MTHFD1L: variants seen among roughly 807,000 people sequenced by gnomAD.
MTHFD1L encodes the protein methylenetetrahydrofolate dehydrogenase (NADP+ dependent) 1 like, also known as monofunctional C1-tetrahydrofolate synthase, mitochondrial.
MTHFD1L carries 81 observed loss-of-function variants against 119.5 expected under a neutral mutation model. That is an observed-to-expected ratio of 0.68 (90% confidence interval 0.57 to 0.82). The LOEUF (loss-of-function observed/expected upper bound fraction) is 0.82, where lower values mean the gene tolerates loss of function less well. Ranked by LOEUF, MTHFD1L falls within the 40% of genes least tolerant of loss-of-function variation. The probability of loss-of-function intolerance (pLI) is 0.00; values close to 1 mark genes in which losing one functional copy is unlikely to be tolerated. For synonymous variants in MTHFD1L, 430 were observed against 475.2 expected, an observed-to-expected ratio of 0.90 and a Z score of 1.24; for missense variants, 1,125 against 1,253.4, an observed-to-expected ratio of 0.90 and a Z score of 1.55.
intron 26 of MTHFD1L, among the ~76,000 whole-genome samples, chr6:151,038,413 G>A (rs187300036): frequency 8.7e-4 from 133 of 152,198 alleles, no homozygotes; most frequent in Non-Finnish European, 8.7e-4. Context: ...GTTGGATGAG[G>A]GGGGGTGGCT....
chr6:151,009,534 CA>C (rs5880912), intron 20 of MTHFD1L, among the ~76,000 whole-genome samples: 43,809 of 147,764 alleles, frequency 0.3, 7,156 homozygotes, highest in African/African-American at 0.43. Flanking sequence ...ACACCATCTC[CA>C]AAAAAAAAAG....
At chr6:151,044,508 G>C (rs1388101409) in intron 26 of MTHFD1L, among the ~76,000 whole-genome samples, 1 of 151,840 alleles carries the variant, frequency 6.6e-6, no homozygotes, top group Non-Finnish European at 1.5e-5. Context: ...TCACTATGTT[G>C]TTCAGGCTGG....
At chr6:150,933,185 G>T (rs1414010642) in intron 11 of MTHFD1L, among the ~76,000 whole-genome samples, 1 of 152,094 alleles carries the variant, frequency 6.6e-6, no homozygotes, top group Non-Finnish European at 1.5e-5. Context: ...TTTTGAGGAG[G>T]TCATCTCTGG....
At chr6:151,057,255 T>G (rs1790082980) in intron 26 of MTHFD1L, 23 of 985,064 alleles carry the variant, frequency 2.3e-5, no homozygotes, top group Non-Finnish European at 2.8e-5. Context: ...CTGCTCATGT[T>G]CTTCGCTGAA....
chr6:150,929,278 T>C (rs957640421), intron 11 of MTHFD1L, among the ~76,000 whole-genome samples: 18 of 152,208 alleles, frequency 1.2e-4, no homozygotes, highest in African/African-American at 4.1e-4. Context: ...ATTTGTGAAA[T>C]TGGTTCCTTT....
chr6:150,868,554 G>T (rs181663289), intron 1 of MTHFD1L, among the ~76,000 whole-genome samples: 1 of 151,988 alleles, frequency 6.6e-6, no homozygotes, highest in East Asian at 1.9e-4. Context: ...GGCCAGGCTG[G>T]TCTCAAACTC....
At chr6:150,885,407 G>A (rs978318837) in intron 5 of MTHFD1L, among the ~76,000 whole-genome samples, 1 of 152,084 alleles carries the variant, frequency 6.6e-6, no homozygotes, top group Non-Finnish European at 1.5e-5. Context: ...TGTTGGCCAG[G>A]CTAGTCTCGA....
At chr6:151,068,277 T>C (rs970043872) in intron 26 of MTHFD1L, among the ~76,000 whole-genome samples, 6 of 152,244 alleles carry the variant, frequency 3.9e-5, no homozygotes, top group Non-Finnish European at 8.8e-5. Flanking sequence ...ACAGCCACAT[T>C]GTGATTTTGC....
At chr6:150,870,643 T>G (rs1347876532) in intron 1 of MTHFD1L, among the ~76,000 whole-genome samples, 1 of 151,988 alleles carries the variant, frequency 6.6e-6, no homozygotes, top group Non-Finnish European at 1.5e-5. Context: ...CCGGGCGTGG[T>G]AGCTCATGAC....
chr6:150,977,652 T>C (rs1776777388), intron 20 of MTHFD1L, among the ~76,000 whole-genome samples: 1 of 152,240 alleles, frequency 6.6e-6, no homozygotes, highest in Non-Finnish European at 1.5e-5. Flanking sequence ...TTTGTAGGAA[T>C]TTCAAACTTA....
rs544934260 is a variant in MTHFD1L at position 150,913,235 on chromosome 6, A to C, written c.893-5342A>C. ...GAGTGCAGTGGCATGAGCTCGGCTC[A>C]CTGCAAGCTCCGCCTCCCGGGTTCA... is the stretch of plus-strand genomic sequence containing the variant. On this transcript the variant is annotated intron_variant, in intron 8 of 27. Transcript: ENST00000367321. Among the ~76,000 whole-genome samples, 3 of 151,754 alleles carry C rather than the reference A, an allele frequency of 2.0e-5. No homozygotes were observed. In the East Asian group the frequency reaches 5.9e-4, roughly 30 times the overall value.
In MTHFD1L at chr6:150,974,789, C is replaced by T. The variant is rs148898915; in HGVS notation, c.2125+2731C>T. 8.7e-3 allele frequency among the ~76,000 whole-genome samples: 1,306 copies of T among 150,152 alleles called. 20 individuals are homozygous for T. Among genetic ancestry groups the T allele is most frequent in the African/African-American group, 0.031 (1,256 of 40,982 alleles). On this transcript the variant is annotated intron_variant, in intron 20 of 27. Coordinates refer to ENST00000367321, the MANE Select transcript of MTHFD1L (RefSeq NM_015440.5). ...TTCGCTCTTGTTGCCCAGGCTGGAG[C>T]GCAATGGCACAATCTCAGCTCACTG...
chr6:151,011,651 C>T (rs1198108254), intron 21 of MTHFD1L, among the ~76,000 whole-genome samples: 2 of 152,180 alleles, frequency 1.3e-5, no homozygotes, highest in African/African-American at 4.8e-5. Context: ...GTTGCACTTT[C>T]GTGCCACATT....
chr6:150,895,882 G>A (rs927460562), intron 7 of MTHFD1L, among the ~76,000 whole-genome samples: 4 of 152,172 alleles, frequency 2.6e-5, no homozygotes, highest in African/African-American at 9.7e-5. Flanking sequence ...TGCACTTAAA[G>A]CAGTAATGTG....
chr6:151,055,601 C>T (rs535691774), intron 26 of MTHFD1L, among the ~76,000 whole-genome samples: 1 of 150,948 alleles, frequency 6.6e-6, no homozygotes, highest in Middle Eastern at 3.5e-3. Flanking sequence ...GATCTCGGCT[C>T]ACCGCAACCT....
intron 18 of MTHFD1L, among the ~76,000 whole-genome samples, chr6:150,963,377 C>G (rs1367382676): frequency 1.3e-5 from 2 of 152,016 alleles, no homozygotes; most frequent in Non-Finnish European, 2.9e-5. Context: ...ATAAAGTATT[C>G]TCACCACCAA....
At chr6:151,033,106 T>C (rs78788458) in intron 24 of MTHFD1L, among the ~76,000 whole-genome samples, 4,126 of 151,882 alleles carry the variant, frequency 0.027, 186 homozygotes, top group African/African-American at 0.095. Flanking sequence ...ACTAATTGCA[T>C]CATGCATATG....
intron 19 of MTHFD1L, among the ~76,000 whole-genome samples, chr6:150,967,970 C>T (rs1031851319): frequency 5.9e-5 from 9 of 151,954 alleles, no homozygotes; most frequent in Admixed American, 4.6e-4. Context: ...CACCCCTTCC[C>T]GCTCCTTGTC....
In MTHFD1L at chr6:150,905,703, CCTTA is replaced by C. The variant is rs1383649674; in HGVS notation, c.838_841del (p.Thr280GlyfsTer38). 1 of 1,614,144 alleles carries C rather than the reference CCTTA, an allele frequency of 6.2e-7. No individual in the cohort carries two copies. Among genetic ancestry groups the C allele is most frequent in the Non-Finnish European group, 8.5e-7 (1 of 1,180,012 alleles). Reference sequence around the variant, plus strand: ...GCTCACCTAAGCCAGAAGAGATTCCCCTTACTTGGATACAACCAGGAACTACTGT... The same window carrying C: ...GCTCACCTAAGCCAGAAGAGATTCCCCTTGGATACAACCAGGAACTACTGT... On this transcript the variant is annotated frameshift_variant, in exon 8 of 28. Transcript: ENST00000367321. LOFTEE classifies it high-confidence loss of function.
Sources: allele counts gnomAD v4.1 joint callset (sites outside exome capture counted in the v4.1 genomes callset), GRCh38; gene constraint gnomAD v4.1.1; transcripts MANE v1.5; gene names NCBI Gene and HGNC (gene_info 2026-07-23, HGNC 2026-07-21).